The following RPTOR variants were observed in gnomAD, a reference collection of about 807,000 sequenced individuals.
The protein encoded by RPTOR is regulatory associated protein of MTOR complex 1.
A neutral mutation model predicts 169.9 loss-of-function variants in RPTOR; 21 were observed. The observed-to-expected ratio is 0.12, with a 90% CI of 0.09 to 0.18. RPTOR has a LOEUF of 0.18. Ranked by LOEUF, RPTOR falls within the 10% of genes least tolerant of loss-of-function variation. The pLI is 1.00. For missense variants in RPTOR, 1,133 were observed against 1,855.9 expected, an observed-to-expected ratio of 0.61 and a Z score of 7.16; for synonymous variants, 732 against 753.2, an observed-to-expected ratio of 0.97 and a Z score of 0.46.
chr17:80,750,929 C>T (rs374740811), intron 5 of RPTOR, among the ~76,000 whole-genome samples: 1 of 152,020 alleles, frequency 6.6e-6, no homozygotes, highest in Non-Finnish European at 1.5e-5. Context: ...TAAAAAAAAC[C>T]TCATTCCTCT....
At chr17:80,792,137 T>C (rs1201636943) in intron 7 of RPTOR, among the ~76,000 whole-genome samples, 48 of 152,156 alleles carry the variant, frequency 3.2e-4, no homozygotes, top group Admixed American at 3.1e-3. Context: ...TTGTTCTGTT[T>C]GTTTGTGCAC....
intron 5 of RPTOR, among the ~76,000 whole-genome samples, chr17:80,739,367 A>C (rs1329457391): frequency 6.6e-6 from 1 of 152,218 alleles, no homozygotes; most frequent in Non-Finnish European, 1.5e-5. Context: ...TCACACGATA[A>C]GTCCGTCTGC....
In RPTOR at chr17:80,841,062, A is replaced by T. The variant is rs1284763815; in HGVS notation, c.1212+3065A>T. ...TCACACTCACCGCACGGCAGCTCAC[A>T]TTCACCACACGGCAACTCACTCTCA... is the stretch of plus-strand genomic sequence containing the variant. On this transcript the variant is annotated intron_variant, in intron 10 of 33. Coordinates refer to ENST00000306801, the MANE Select transcript of RPTOR (RefSeq NM_020761.3). 1.6e-4 allele frequency among the ~76,000 whole-genome samples: 2 copies of T among 12,440 alleles called. 1 individual carries two copies. 8.2% of individuals were successfully genotyped at this position (12,440 alleles called of 152,430 possible). A position where few individuals can be genotyped will look rare whatever the true frequency, so the allele number is the denominator to read the frequency against.
chr17:80,858,574 A>C (rs1309676930), intron 13 of RPTOR, among the ~76,000 whole-genome samples: 1 of 152,186 alleles, frequency 6.6e-6, no homozygotes, highest in Non-Finnish European at 1.5e-5. Context: ...GTTGCAGGTG[A>C]CACCAGCCCT....
chr17:80,773,774 G>T, intron 6 of RPTOR: 15 of 985,394 alleles, frequency 1.5e-5, no homozygotes, highest in Non-Finnish European at 1.7e-5. Flanking sequence ...TGCTGGGGAC[G>T]TGTAGTCACT....
At chr17:80,547,147 T>G (rs749360751) in intron 1 of RPTOR, among the ~76,000 whole-genome samples, 1 of 152,192 alleles carries the variant, frequency 6.6e-6, no homozygotes, top group Non-Finnish European at 1.5e-5. Context: ...TGACTTGGCT[T>G]ACTTCTAAAA....
chr17:80,943,552 C>T (rs1598415207), intron 25 of RPTOR, among the ~76,000 whole-genome samples: 1 of 152,048 alleles, frequency 6.6e-6, no homozygotes, highest in African/African-American at 2.4e-5. Flanking sequence ...CTGCAAAGGG[C>T]GCCAACTTCT....
intron 4 of RPTOR, among the ~76,000 whole-genome samples, chr17:80,725,497 A>G (rs1439438755): frequency 6.6e-6 from 1 of 152,230 alleles, no homozygotes; most frequent in Non-Finnish European, 1.5e-5. Flanking sequence ...GAGTGTTCCA[A>G]GCAGCCTTCC....
chr17:80,770,683 C>T (rs1478222297), intron 6 of RPTOR, among the ~76,000 whole-genome samples: 1 of 152,214 alleles, frequency 6.6e-6, no homozygotes, highest in Non-Finnish European at 1.5e-5. Flanking sequence ...AGAGGAAAAT[C>T]GCACTGCTGG....
Position 80,940,484 on chromosome 17 carries a change from C to A in RPTOR, c.2920-12C>A, listed in dbSNP as rs1187123980. On this transcript the variant is annotated splice_polypyrimidine_tract_variant and intron_variant, in intron 24 of 33. Coordinates refer to ENST00000306801, the MANE Select transcript of RPTOR (RefSeq NM_020761.3). ...ATCGCTGGGCTTAACTGGGTGTTTT[C>A]TGTTGTTGAAGATCCCAGAAGAGCA... 1 of 1,610,770 alleles carries A rather than the reference C, an allele frequency of 6.2e-7. No homozygotes were observed. Among genetic ancestry groups the A allele is most frequent in the East Asian group, 2.2e-5 (1 of 44,812 alleles).
At chr17:80,909,058 T>C (rs577811542) in intron 21 of RPTOR, 129 bp downstream of exon 21, 151 of 700,430 alleles carry the variant, frequency 2.2e-4, no homozygotes, top group Non-Finnish European at 3.5e-4. Flanking sequence ...CTTCAGCAAA[T>C]ATCTTAAATC....
chr17:80,888,597 G>T (rs1170838694), intron 17 of RPTOR, among the ~76,000 whole-genome samples: 1 of 152,226 alleles, frequency 6.6e-6, no homozygotes, highest in African/African-American at 2.4e-5. Context: ...GAAGTGTGTG[G>T]GCCCCCAGCG....
intron 7 of RPTOR, chr17:80,805,523 C>T (rs2067209599): frequency 6.6e-6 from 1 of 152,170 alleles, no homozygotes; most frequent in African/African-American, 2.4e-5. Flanking sequence ...GTGGCTTCTC[C>T]CATGTGACTC....
intron 5 of RPTOR, among the ~76,000 whole-genome samples, chr17:80,737,079 G>A (rs935140372): frequency 1.3e-5 from 2 of 152,174 alleles, no homozygotes; most frequent in Non-Finnish European, 2.9e-5. Context: ...TGAAGAAGAT[G>A]CTTTCCCCTT....
At chr17:80,781,224 G>T (rs2066938963) in intron 6 of RPTOR, among the ~76,000 whole-genome samples, 1 of 152,238 alleles carries the variant, frequency 6.6e-6, no homozygotes, top group Admixed American at 6.5e-5. Context: ...TAGGCAGATG[G>T]AGGACTGTGC....
chr17:80,636,313 A>G (rs6565467), intron 2 of RPTOR, among the ~76,000 whole-genome samples: 110,321 of 151,884 alleles, frequency 0.73, 40,694 homozygotes, highest in African/African-American at 0.81. Flanking sequence ...CCTACGTCAC[A>G]GCGCCTCAAG....
chr17:80,851,734 TTTG>T (rs2067795707), intron 11 of RPTOR, among the ~76,000 whole-genome samples: 3 of 152,200 alleles, frequency 2.0e-5, no homozygotes, highest in African/African-American at 7.2e-5. Flanking sequence ...CCCGCTTGCT[TTTG>T]TTGTTTGTAA....
In RPTOR at chr17:80,646,537, T is replaced by C. The variant is rs2065597539; in HGVS notation, c.348+2727T>C. Among the ~76,000 whole-genome samples the C allele has an allele frequency of 6.6e-6, 1 of 152,200 alleles. No homozygotes were observed. The highest frequency in any genetic ancestry group is 2.4e-5 in the African/African-American group (1 of 41,448). ...GAGTTTGCATGAAACAGGAGGCACT[T>C]AGCAAACTCAGATGTTTGTGTGCAA... On this transcript the variant is annotated intron_variant, in intron 3 of 33. Transcript: ENST00000306801. The surrounding 1 kb of genome is among the most constrained non-coding windows in gnomAD (Gnocchi z 5.0).
At chr17:80,912,035 C>G (rs1350047475) in intron 21 of RPTOR, among the ~76,000 whole-genome samples, 1 of 152,220 alleles carries the variant, frequency 6.6e-6, no homozygotes, top group African/African-American at 2.4e-5. Context: ...TAGGGAAAAT[C>G]AGTTCTTACC....
Sources: gnomAD v4.1 joint callset for allele counts (sites outside exome capture counted in the v4.1 genomes callset) on GRCh38, gnomAD v4.1.1 for gene constraint, Gnocchi (gnomAD v3.1) non-coding constraint, MANE v1.5 for transcripts, NCBI Gene and HGNC (gene_info 2026-07-23, HGNC 2026-07-21) for gene names.